The following BBOF1 variants were observed in gnomAD, a reference collection of about 807,000 sequenced individuals.
BBOF1 encodes the protein basal body-orientation factor 1.
In BBOF1, 62 loss-of-function variants were observed where a neutral mutation model predicts 68.0. The ratio of observed to expected loss-of-function variants is 0.91; its 90% CI spans 0.74 to 1.13. The LOEUF (loss-of-function observed/expected upper bound fraction) is 1.13, where lower values mean the gene tolerates loss of function less well. Ranked by LOEUF, BBOF1 falls within the 50% of genes most tolerant of loss-of-function variation. The pLI is 0.00. For synonymous variants in BBOF1, 208 were observed against 198.8 expected (o/e 1.05, Z -0.39); for missense variants, 534 against 600.1 (o/e 0.89, Z 1.15).
intron 11 of BBOF1, chr14:74,059,010 G>C (rs928410913): frequency 3.9e-5 from 6 of 155,290 alleles, no homozygotes; most frequent in African/African-American, 1.5e-4. Context: ...CTTGAACCCG[G>C]GAGGCAGAGG....
In BBOF1 at chr14:74,037,017, G is replaced by T. The variant is rs560219649; in HGVS notation, c.495+2846G>T. Among the ~76,000 whole-genome samples the T allele has an allele frequency of 1.3e-3, 169 of 134,542 alleles. 1 individual carries two copies. Among genetic ancestry groups the T allele is most frequent in the African/African-American group, 4.6e-3 (163 of 35,148 alleles). 88.3% of individuals were successfully genotyped at this position (134,542 alleles called of 152,430 possible). On this transcript the variant is annotated intron_variant, in intron 4 of 11. Coordinates refer to ENST00000394009, the MANE Select transcript of BBOF1 (RefSeq NM_025057.3). ...AGACAGAGTTTTGCTCTGTTGCCCA[G>T]GCTGGAGTGCAGTGGTATGATCTTG...
chr14:74,046,178 C>G, intron 6 of BBOF1, 48 bp downstream of exon 6: 1 of 1,460,408 alleles, frequency 6.8e-7, no homozygotes, highest in Non-Finnish European at 9.3e-7. Flanking sequence ...TCTCTTACCT[C>G]TTTGCTGGTC....
intron 3 of BBOF1, among the ~76,000 whole-genome samples, chr14:74,029,818 T>C (rs1012450239): frequency 2.0e-5 from 3 of 152,202 alleles, no homozygotes; most frequent in Non-Finnish European, 4.4e-5. Flanking sequence ...AGCTAGGAGA[T>C]ACACGTTTTT....
intron 8 of BBOF1, among the ~76,000 whole-genome samples, chr14:74,053,433 G>A (rs1158635404): frequency 2.7e-5 from 4 of 149,292 alleles, no homozygotes; most frequent in Admixed American, 2.0e-4. Context: ...TTTTTGAGAC[G>A]GTCTCACTCT....
chr14:74,063,251 A>G (rs1311798982), intron 11 of BBOF1, among the ~76,000 whole-genome samples: 3 of 151,006 alleles, frequency 2.0e-5, no homozygotes, highest in Non-Finnish European at 4.4e-5. Context: ...CAGTGGTGCA[A>G]TCTCGGCTCA....
chr14:74,068,903 A>C (rs769552036), downstream of BBOF1: 2 of 1,614,056 alleles, frequency 1.2e-6, no homozygotes. Context: ...TCCTCTCTCG[A>C]AGATATACTC....
intron 8 of BBOF1, chr14:74,055,014 T>C (rs914550145): frequency 6.5e-6 from 1 of 153,164 alleles, no homozygotes; most frequent in African/African-American, 2.4e-5. Context: ...TGAGCACAAA[T>C]ATTTTTTCAT....
chr14:74,047,729 G>C (rs1300551472), intron 6 of BBOF1, among the ~76,000 whole-genome samples: 5 of 152,120 alleles, frequency 3.3e-5, no homozygotes, highest in Non-Finnish European at 7.3e-5. Context: ...GTGAGCCACT[G>C]CATTCAGCCA....
At position 74,064,739 on chromosome 14, in the gene BBOF1, C is replaced by G. The variant is rs1350231957; in HGVS notation, c.*40C>G. 1 of 1,612,250 alleles carries G rather than the reference C, an allele frequency of 6.2e-7. No homozygotes were observed. The highest frequency in any genetic ancestry group is 1.3e-5 in the African/African-American group (1 of 74,868). On this transcript the variant is annotated 3_prime_UTR_variant, in exon 12 of 12. Transcript: ENST00000394009. ...GACCTCACAGATGCTGCTGGCAGTCCCTTCCTTGCAGAATCCTTGCTCCTG... is the reference window on the plus strand; with the variant it reads ...GACCTCACAGATGCTGCTGGCAGTCGCTTCCTTGCAGAATCCTTGCTCCTG...
chr14:74,050,973 G>A (rs1447637397), intron 8 of BBOF1, among the ~76,000 whole-genome samples: 1 of 152,034 alleles, frequency 6.6e-6, no homozygotes, highest in African/African-American at 2.4e-5. Flanking sequence ...GCTGGGTGTG[G>A]TGGCTCATAC....
intron 2 of BBOF1, among the ~76,000 whole-genome samples, chr14:74,024,900 G>A (rs2059390991): frequency 6.6e-6 from 1 of 152,060 alleles, no homozygotes; most frequent in African/African-American, 2.4e-5. Context: ...ATAGCACCTG[G>A]TCCAGAAATT....
Position 74,019,415 on chromosome 14 carries a change from A to G in BBOF1, c.-64A>G. 1 of 1,555,832 alleles carries G rather than the reference A, an allele frequency of 6.4e-7. No individual in the cohort carries two copies. On this transcript the variant is annotated 5_prime_UTR_variant, in exon 1 of 12. Transcript: ENST00000394009. ...GCTCGGCGTCCCGGTTCCCTTGGAG[A>G]CAGAGCTGGCCAGGGCGGCCGCGGC...
chr14:74,045,144 T>C (rs1040508680), intron 5 of BBOF1, among the ~76,000 whole-genome samples: 2 of 152,144 alleles, frequency 1.3e-5, no homozygotes. Flanking sequence ...TTAGAACTGT[T>C]CCTGGCACAT....
chr14:74,062,051 GAAAAAAAAAAAAAAAAAA>G (rs369414700), intron 11 of BBOF1, among the ~76,000 whole-genome samples: 1 of 59,578 alleles, frequency 1.7e-5, no homozygotes, highest in Non-Finnish European at 3.2e-5. Flanking sequence ...TCTCTACTGG[GAAAAAAAAAAAAAAAAAA>G]AAAAAAAAAA....
intron 10 of BBOF1, among the ~76,000 whole-genome samples, chr14:74,079,897 G>A (rs2060654447): frequency 1.3e-5 from 2 of 152,048 alleles, no homozygotes; most frequent in Non-Finnish European, 2.9e-5. Context: ...AATTAGTTGG[G>A]CATGGTCATG....
chr14:74,036,628 G>C (rs1362187262), intron 4 of BBOF1, among the ~76,000 whole-genome samples: 1 of 145,940 alleles, frequency 6.9e-6, no homozygotes, highest in Non-Finnish European at 1.5e-5. Flanking sequence ...AGGTAACAGT[G>C]AACCAAGATC....
chr14:74,023,054 G>A lies in BBOF1; in HGVS notation c.195G>A (p.Glu65=). ...DTSRILAKSN[E]DLKKKQCKME... ...CACGGATACTGGCAAAAAGTAATGA[G>A]GACTTAAAGAAAAAGCAATGTAAAA... Residue 65 remains glutamate (E), a synonymous_variant, in exon 2 of 12, where the codon GAG becomes GAA. Transcript: ENST00000394009. 1 of 1,608,650 alleles carries A rather than the reference G, an allele frequency of 6.2e-7. No individual in the cohort carries two copies. The highest frequency in any genetic ancestry group is 1.3e-5 in the African/African-American group (1 of 74,932).
intron 9 of BBOF1, chr14:74,072,718 T>C (rs2060567773): frequency 3.2e-6 from 4 of 1,262,194 alleles, no homozygotes; most frequent in Non-Finnish European, 4.5e-6. Context: ...GAAAACAAGT[T>C]GATAACGGAA....
At chr14:74,058,055 C>T (rs1230940201) in intron 11 of BBOF1, 5 of 355,124 alleles carry the variant, frequency 1.4e-5, no homozygotes, top group Non-Finnish European at 7.9e-6. Flanking sequence ...GGGCCAGGTG[C>T]GGTGGTTCAC....
Sources: allele counts gnomAD v4.1 joint callset (sites outside exome capture counted in the v4.1 genomes callset), GRCh38; gene constraint gnomAD v4.1.1; transcripts MANE v1.5; gene names NCBI Gene and HGNC (gene_info 2026-07-23, HGNC 2026-07-21).